PBX1: variants seen among roughly 807,000 people sequenced by gnomAD.
PBX1 encodes PBX homeobox 1.
In PBX1, 6 loss-of-function variants were observed where a neutral mutation model predicts 53.4. The observed-to-expected ratio is 0.11, with a 90% CI of 0.06 to 0.22. The LOEUF (loss-of-function observed/expected upper bound fraction) is 0.22, where lower values mean the gene tolerates loss of function less well. PBX1 is among the 10% of genes least tolerant of loss of function. The pLI is 1.00. For missense variants in PBX1, 251 were observed against 551.4 expected (o/e 0.46, Z 5.46); for synonymous variants, 204 against 212.3 (o/e 0.96, Z 0.34).
chr1:164,881,161 G>C (rs2102465449), intron 2 of PBX1, among the ~76,000 whole-genome samples: 1 of 152,266 alleles, frequency 6.6e-6, no homozygotes, highest in East Asian at 1.9e-4. Flanking sequence ...CGGGAGTCTG[G>C]AGAGAAGTGG....
At chr1:164,669,450 A>G (rs1269846954) in intron 2 of PBX1, among the ~76,000 whole-genome samples, 2 of 152,182 alleles carry the variant, frequency 1.3e-5, no homozygotes. Flanking sequence ...GTGGGGGCAC[A>G]TTCTTCTAGC....
chr1:164,884,650 G>A (rs1672736850), intron 2 of PBX1: 11 of 432,694 alleles, frequency 2.5e-5, no homozygotes, highest in Non-Finnish European at 3.1e-5. Context: ...CCTCTCTTCC[G>A]GAATGACACA....
At chr1:164,867,065 A>T (rs544750035) in intron 2 of PBX1, among the ~76,000 whole-genome samples, 6 of 152,180 alleles carry the variant, frequency 3.9e-5, no homozygotes, top group Non-Finnish European at 8.8e-5. Context: ...GAGATTAGAA[A>T]ATTTATTAGA....
intron 2 of PBX1, among the ~76,000 whole-genome samples, chr1:164,782,087 T>C (rs1667962159): frequency 6.6e-6 from 1 of 152,234 alleles, no homozygotes; most frequent in Admixed American, 6.5e-5. Context: ...ATTTTTTCCC[T>C]TCTTTCTTAT....
intron 2 of PBX1, among the ~76,000 whole-genome samples, chr1:164,576,609 G>A (rs1217703135): frequency 6.6e-6 from 1 of 152,224 alleles, no homozygotes; most frequent in Non-Finnish European, 1.5e-5. Context: ...CCTGGCCCGG[G>A]TTGCAGTGGT....
At chr1:164,629,882 C>T (rs1658298851) in intron 2 of PBX1, among the ~76,000 whole-genome samples, 1 of 152,122 alleles carries the variant, frequency 6.6e-6, no homozygotes, top group Middle Eastern at 3.2e-3. Context: ...TTCTCTTAAC[C>T]ACATTTGGGA....
intron 2 of PBX1, among the ~76,000 whole-genome samples, chr1:164,653,307 A>G (rs1009624666): frequency 6.7e-6 from 1 of 149,760 alleles, no homozygotes; most frequent in Non-Finnish European, 1.5e-5. Flanking sequence ...GTGGTATTCT[A>G]TTATGTGAAT....
intron 2 of PBX1, among the ~76,000 whole-genome samples, chr1:164,714,371 G>A (rs1377145136): frequency 6.6e-6 from 1 of 152,190 alleles, no homozygotes. Context: ...ACACATAGGT[G>A]AGTTACATTA....
intron 8 of PBX1, among the ~76,000 whole-genome samples, chr1:164,846,364 A>C (rs1360277579): frequency 1.3e-5 from 2 of 152,122 alleles, no homozygotes; most frequent in Non-Finnish European, 2.9e-5. Context: ...TACTAGTGGG[A>C]GGTATTAACA....
chr1:164,592,871 C>T (rs1379873234), intron 2 of PBX1, among the ~76,000 whole-genome samples: 1 of 152,188 alleles, frequency 6.6e-6, no homozygotes, highest in East Asian at 1.9e-4. Context: ...TCACCTGTGA[C>T]AGGCTGCTCT....
At chr1:164,844,850 A>G (rs1260826870) in intron 8 of PBX1, among the ~76,000 whole-genome samples, 1 of 152,210 alleles carries the variant, frequency 6.6e-6, no homozygotes, top group Non-Finnish European at 1.5e-5. Context: ...GCTTTCTGTT[A>G]TGAAAGAAAG....
intron 1 of PBX1, among the ~76,000 whole-genome samples, chr1:164,561,410 C>T (rs975635636): frequency 6.6e-6 from 1 of 152,126 alleles, no homozygotes; most frequent in African/African-American, 2.4e-5. Flanking sequence ...TTGAAAGACT[C>T]AAAGTATCCT....
intron 3 of PBX1, among the ~76,000 whole-genome samples, chr1:164,793,198 C>T (rs1359317128): frequency 6.6e-6 from 1 of 152,100 alleles, no homozygotes; most frequent in Non-Finnish European, 1.5e-5. Flanking sequence ...CTCATAGTAT[C>T]CTATGGGAAA....
chr1:164,577,883 G>A (rs547567101), intron 2 of PBX1, among the ~76,000 whole-genome samples: 2 of 152,318 alleles, frequency 1.3e-5, no homozygotes, highest in South Asian at 2.1e-4. Context: ...GGGAGAGGAC[G>A]AAAGGGTTAT....
chr1:164,746,090 C>T (rs971575208), intron 2 of PBX1, among the ~76,000 whole-genome samples: 4 of 152,146 alleles, frequency 2.6e-5, no homozygotes, highest in African/African-American at 7.2e-5. Flanking sequence ...CTAAGTATTT[C>T]AAAATGAAGT....
rs145579441 is a variant in PBX1 at position 164,653,917 on chromosome 1, T to C, written c.265+90606T>C. ...GTCCTTGGCTATTTATAACAATAGG[T>C]GTGACAATAGAACAGCCTGTTCCTT... On this transcript the variant is annotated intron_variant, in intron 2 of 8. Coordinates refer to ENST00000420696, the MANE Select transcript of PBX1 (RefSeq NM_002585.4). Among the ~76,000 whole-genome samples the C allele has an allele frequency of 2.1e-3, 317 of 152,320 alleles. 1 individual carries two copies. The highest frequency in any genetic ancestry group is 7.5e-3 in the African/African-American group (311 of 41,568).
chr1:164,602,744 C>A (rs1198858864), intron 2 of PBX1, among the ~76,000 whole-genome samples: 1 of 151,482 alleles, frequency 6.6e-6, no homozygotes, highest in Non-Finnish European at 1.5e-5. Context: ...AGCAAAATTG[C>A]TTACTTGCAC....
intron 2 of PBX1, among the ~76,000 whole-genome samples, chr1:164,612,080 T>A (rs1173634059): frequency 6.6e-6 from 1 of 152,166 alleles, no homozygotes; most frequent in Admixed American, 6.5e-5. Context: ...TGATTTTTGC[T>A]GAAATGAACC....
At chr1:164,564,429 G>T (rs1022983505) in intron 2 of PBX1, among the ~76,000 whole-genome samples, 3 of 152,078 alleles carry the variant, frequency 2.0e-5, no homozygotes, top group Non-Finnish European at 2.9e-5. Context: ...AGGGCACACA[G>T]GGTGGCTTTC....
Sources: allele counts gnomAD v4.1 joint callset (sites outside exome capture counted in the v4.1 genomes callset), GRCh38; gene constraint gnomAD v4.1.1; transcripts MANE v1.5; gene names NCBI Gene and HGNC (gene_info 2026-07-23, HGNC 2026-07-21).